Variants in TWSG1 observed in about 807,000 individuals in gnomAD.
TWSG1 encodes twisted gastrulation BMP signaling modulator 1, also known as twisted gastrulation protein homolog 1.
TWSG1 carries 15 observed loss-of-function variants against 23.0 expected under a neutral mutation model. That is an observed-to-expected ratio of 0.65 (90% CI 0.44 to 1.00). The LOEUF (loss-of-function observed/expected upper bound fraction) is 1.00, where lower values mean the gene tolerates loss of function less well. Ranked by LOEUF, TWSG1 falls within the 50% of genes least tolerant of loss-of-function variation. TWSG1 has a pLI of 0.00. For missense variants in TWSG1, 242 were observed against 278.7 expected (o/e 0.87, Z 0.94); for synonymous variants, 86 against 92.8 (o/e 0.93, Z 0.42).
chr18:9,345,060 A>G (rs962959175), intron 2 of TWSG1, among the ~76,000 whole-genome samples: 4 of 152,162 alleles, frequency 2.6e-5, no homozygotes, highest in Admixed American at 2.6e-4. Flanking sequence ...TGCCCAACCC[A>G]GAACCTATGC....
chr18:9,396,147 CA>C (rs58754446), intron 3 of TWSG1, 132 bp from the exon 4 acceptor site: 59,695 of 465,246 alleles, frequency 0.13, 172 homozygotes, highest in African/African-American at 0.16. Context: ...GCTCACCCAG[CA>C]AAAAAAAAAA....
intron 3 of TWSG1, among the ~76,000 whole-genome samples, chr18:9,381,924 T>C (rs916082714): frequency 3.3e-5 from 5 of 152,228 alleles, no homozygotes; most frequent in African/African-American, 1.2e-4. Flanking sequence ...AAAGCTTCAC[T>C]GTGCTTATCC....
intron 3 of TWSG1, among the ~76,000 whole-genome samples, chr18:9,391,745 T>C (rs1205751679): frequency 6.6e-6 from 1 of 152,170 alleles, no homozygotes; most frequent in South Asian, 2.1e-4. Flanking sequence ...CTGATAGATA[T>C]ATTTCTGAGA....
At chr18:9,363,799 G>T (rs748954487) in intron 3 of TWSG1, among the ~76,000 whole-genome samples, 3 of 147,404 alleles carry the variant, frequency 2.0e-5, no homozygotes, top group African/African-American at 7.9e-5. Flanking sequence ...ATACTTTTTT[G>T]TATTTTTTTG....
intron 3 of TWSG1, chr18:9,387,999 A>G (rs1568039447): frequency 6.6e-6 from 1 of 152,172 alleles, no homozygotes; most frequent in African/African-American, 2.4e-5. Context: ...AATTAATTCA[A>G]AATTCTTGTA....
chr18:9,372,822 A>G (rs75095719), intron 3 of TWSG1, among the ~76,000 whole-genome samples: 11,463 of 152,192 alleles, frequency 0.075, 527 homozygotes, highest in Admixed American at 0.097. Context: ...AAAAGGCAGA[A>G]AAAGAGTAGA....
chr18:9,391,588 A>G (rs563542678), intron 3 of TWSG1, among the ~76,000 whole-genome samples: 5 of 152,372 alleles, frequency 3.3e-5, no homozygotes, highest in Middle Eastern at 3.4e-3. Context: ...CTGCTGCCGC[A>G]AGACAATTAC....
chr18:9,351,480 G>A (rs1387769365), intron 2 of TWSG1, among the ~76,000 whole-genome samples: 1 of 151,934 alleles, frequency 6.6e-6, no homozygotes, highest in African/African-American at 2.4e-5. Flanking sequence ...TTCAGTTTTA[G>A]GTTAAAAGTA....
chr18:9,353,455 G>C (rs1236561738), intron 2 of TWSG1, among the ~76,000 whole-genome samples: 1 of 152,262 alleles, frequency 6.6e-6, no homozygotes, highest in Middle Eastern at 3.4e-3. Flanking sequence ...TTTGAAAACA[G>C]TTTGCCAAAT....
intron 3 of TWSG1, among the ~76,000 whole-genome samples, chr18:9,361,188 T>C (rs1353415525): frequency 2.6e-5 from 4 of 152,246 alleles, no homozygotes; most frequent in Non-Finnish European, 4.4e-5. Flanking sequence ...TTTTCACCCT[T>C]GTATTAATTT....
At chr18:9,367,682 C>T (rs8098949) in intron 3 of TWSG1, among the ~76,000 whole-genome samples, 1,599 of 152,246 alleles carry the variant, frequency 0.011, 32 homozygotes, top group African/African-American at 0.037. Flanking sequence ...TTGTGAACTG[C>T]ACATACGAGG....
At chr18:9,385,990 G>A (rs1051951171) in intron 3 of TWSG1, among the ~76,000 whole-genome samples, 3 of 151,812 alleles carry the variant, frequency 2.0e-5, no homozygotes, top group Non-Finnish European at 2.9e-5. Flanking sequence ...CCAATATGGC[G>A]AAACCCCAAC....
chr18:9,364,152 G>A (rs1453832288), intron 3 of TWSG1, among the ~76,000 whole-genome samples: 1 of 152,114 alleles, frequency 6.6e-6, no homozygotes, highest in Non-Finnish European at 1.5e-5. Context: ...GAATAAACTA[G>A]TCAGTCATGA....
chr18:9,340,810 C>T (rs189060291), intron 2 of TWSG1, among the ~76,000 whole-genome samples: 6 of 152,346 alleles, frequency 3.9e-5, no homozygotes, highest in African/African-American at 1.4e-4. Flanking sequence ...CCATACGTGG[C>T]TACCAAGTAC....
chr18:9,383,012 A>G (rs2040665164), intron 3 of TWSG1, among the ~76,000 whole-genome samples: 1 of 152,092 alleles, frequency 6.6e-6, no homozygotes, highest in African/African-American at 2.4e-5. Flanking sequence ...TTTGAAGAAC[A>G]GAAAGACCAG....
chr18:9,343,430 T>G (rs191036318), intron 2 of TWSG1, among the ~76,000 whole-genome samples: 1 of 152,074 alleles, frequency 6.6e-6, no homozygotes, highest in African/African-American at 2.4e-5. Context: ...TATTGAGATA[T>G]ATGATTCATA....
In TWSG1 at chr18:9,397,771, T is replaced by C. The variant is rs987770816; in HGVS notation, c.490+1225T>C. Among the ~76,000 whole-genome samples, 3 of 152,242 alleles carry C rather than the reference T, an allele frequency of 2.0e-5. No homozygotes were observed. The East Asian group carries it at 5.8e-4, about 29-fold the overall frequency. ...CTGTAATCCCAGCACTTTGAGAGGC[T>C]GAGGCGGGCACATCACCTGAGGTCG... On this transcript the variant is annotated intron_variant, in intron 4 of 4. Coordinates refer to ENST00000262120, the MANE Select transcript of TWSG1 (RefSeq NM_020648.6).
intron 3 of TWSG1, among the ~76,000 whole-genome samples, chr18:9,367,941 C>T (rs1355869707): frequency 6.6e-6 from 1 of 152,108 alleles, no homozygotes; most frequent in Non-Finnish European, 1.5e-5. Context: ...GATTCTCTGT[C>T]TTGACTATTG....
chr18:9,383,194 G>GT (rs71168053), intron 3 of TWSG1, among the ~76,000 whole-genome samples: 14 of 79,374 alleles, frequency 1.8e-4, no homozygotes, highest in Middle Eastern at 7.7e-3. Context: ...TTTTTTTTTT[G>GT]TTTTTTTTTT....
Sources: gnomAD v4.1 joint callset for allele counts (sites outside exome capture counted in the v4.1 genomes callset) on GRCh38, gnomAD v4.1.1 for gene constraint, MANE v1.5 for transcripts, NCBI Gene and HGNC (gene_info 2026-07-23, HGNC 2026-07-21) for gene names.